Variants in GNAQ observed in about 807,000 individuals in gnomAD.
GNAQ encodes guanine nucleotide-binding protein G(q) subunit alpha.
A neutral mutation model predicts 43.9 loss-of-function variants in GNAQ; 8 were observed. The observed-to-expected ratio is 0.18, with a 90% CI of 0.11 to 0.33. The LOEUF (loss-of-function observed/expected upper bound fraction) is 0.33. GNAQ is among the 10% of genes least tolerant of loss of function. GNAQ has a pLI of 1.00. For synonymous variants in GNAQ, 155 were observed against 170.7 expected (o/e 0.91, Z 0.71); for missense variants, 158 against 450.8 (o/e 0.35, Z 5.88).
intron 1 of GNAQ, among the ~76,000 whole-genome samples, chr9:77,992,919 T>G (rs2118527660): frequency 6.6e-6 from 1 of 152,326 alleles, no homozygotes; most frequent in African/African-American, 2.4e-5. Flanking sequence ...TTCTCCAGCC[T>G]GTGCAACAGG....
chr9:77,768,254 C>T (rs1310257180), intron 5 of GNAQ, among the ~76,000 whole-genome samples: 2 of 152,174 alleles, frequency 1.3e-5, no homozygotes, highest in African/African-American at 2.4e-5. Context: ...GCTAAAACTG[C>T]TAATGGGAAG....
chr9:77,891,730 G>A (rs565636760), intron 2 of GNAQ, among the ~76,000 whole-genome samples: 1 of 152,284 alleles, frequency 6.6e-6, no homozygotes, highest in African/African-American at 2.4e-5. Flanking sequence ...TCATTAGCAA[G>A]GCCTCCATAT....
At chr9:77,996,974 G>T (rs1823577513) in intron 1 of GNAQ, among the ~76,000 whole-genome samples, 1 of 152,128 alleles carries the variant, frequency 6.6e-6, no homozygotes, top group South Asian at 2.1e-4. Flanking sequence ...CTACTCCTAG[G>T]CCCTGTGCAA....
intron 5 of GNAQ, among the ~76,000 whole-genome samples, chr9:77,735,634 G>A (rs1443872643): frequency 6.6e-6 from 1 of 152,166 alleles, no homozygotes; most frequent in Non-Finnish European, 1.5e-5. Flanking sequence ...TGATGTCAAC[G>A]CTTTGAGAAT....
intron 1 of GNAQ, among the ~76,000 whole-genome samples, chr9:78,021,988 G>A (rs1823916346): frequency 6.6e-6 from 1 of 152,170 alleles, no homozygotes; most frequent in South Asian, 2.1e-4. Context: ...GGAGGTTTCT[G>A]ATACCATTTC....
intron 1 of GNAQ, among the ~76,000 whole-genome samples, chr9:77,990,995 A>C (rs1823500468): frequency 6.6e-6 from 1 of 152,252 alleles, no homozygotes; most frequent in Non-Finnish European, 1.5e-5. Flanking sequence ...AAATGTATTT[A>C]ATAGAGTCAC....
chr9:77,780,650 T>C (rs1372859235), intron 5 of GNAQ, among the ~76,000 whole-genome samples: 5 of 152,030 alleles, frequency 3.3e-5, no homozygotes, highest in East Asian at 1.9e-4. Flanking sequence ...CTGGACTATA[T>C]TGTGGTTCTA....
At chr9:77,803,746 T>C (rs1401411051) in intron 3 of GNAQ, among the ~76,000 whole-genome samples, 1 of 152,232 alleles carries the variant, frequency 6.6e-6, no homozygotes, top group Non-Finnish European at 1.5e-5. Context: ...TTTGTATATT[T>C]TGGATACAGT....
chr9:77,881,710 T>C (rs1031236682), intron 2 of GNAQ, among the ~76,000 whole-genome samples: 1 of 152,200 alleles, frequency 6.6e-6, no homozygotes, highest in Non-Finnish European at 1.5e-5. Context: ...ACAGAACAGC[T>C]GTGTTTTCAG....
chr9:77,908,698 G>C (rs1483690890), intron 2 of GNAQ, among the ~76,000 whole-genome samples: 1 of 152,190 alleles, frequency 6.6e-6, no homozygotes, highest in Non-Finnish European at 1.5e-5. Flanking sequence ...TCCTATTGAA[G>C]TATTTTCTGG....
chr9:78,026,932 T>C (rs1470486496), intron 1 of GNAQ, among the ~76,000 whole-genome samples: 2 of 152,188 alleles, frequency 1.3e-5, no homozygotes, highest in Non-Finnish European at 2.9e-5. Context: ...CATTTAGTCA[T>C]CACCTGTGCT....
intron 5 of GNAQ, among the ~76,000 whole-genome samples, chr9:77,736,852 T>C (rs1369315809): frequency 6.6e-6 from 1 of 152,150 alleles, no homozygotes; most frequent in Non-Finnish European, 1.5e-5. Flanking sequence ...CTAACAGAGA[T>C]GAACGGATTA....
intron 5 of GNAQ, among the ~76,000 whole-genome samples, chr9:77,729,215 A>T (rs1825447065): frequency 6.6e-6 from 1 of 152,210 alleles, no homozygotes; most frequent in Non-Finnish European, 1.5e-5. Flanking sequence ...AAACACATGG[A>T]AAATGTTGTA....
At chr9:77,724,730 C>A (rs970080965) in intron 6 of GNAQ, among the ~76,000 whole-genome samples, 1 of 152,070 alleles carries the variant, frequency 6.6e-6, no homozygotes, top group African/African-American at 2.4e-5. Context: ...AATAGACTAT[C>A]CTCATTTGTA....
intron 1 of GNAQ, among the ~76,000 whole-genome samples, chr9:77,964,202 T>C (rs1259759258): frequency 6.6e-6 from 1 of 152,180 alleles, no homozygotes; most frequent in Admixed American, 6.5e-5. Flanking sequence ...GATAAACCGG[T>C]TAACTTATCG....
intron 2 of GNAQ, among the ~76,000 whole-genome samples, chr9:77,880,407 C>G (rs1587383358): frequency 6.6e-6 from 1 of 152,216 alleles, no homozygotes; most frequent in South Asian, 2.1e-4. Context: ...GAGTCTCACT[C>G]TGTCACCTAA....
chr9:77,759,705 A>G lies in GNAQ; in HGVS notation c.736-31038T>C, dbSNP rs544710743. On this transcript the variant is annotated intron_variant, in intron 5 of 6. Coordinates refer to ENST00000286548, the MANE Select transcript of GNAQ (RefSeq NM_002072.5). Reference sequence around the variant, plus strand: ...GAAAAGGCCAGACAAGAACAGAGATATTCTGTTGATATCTGGAAGAATAAA... The same window carrying G: ...GAAAAGGCCAGACAAGAACAGAGATGTTCTGTTGATATCTGGAAGAATAAA... 1.1e-4 allele frequency among the ~76,000 whole-genome samples: 16 copies of G among 152,274 alleles called. 1 individual carries two copies. In the South Asian group the frequency reaches 3.3e-3, roughly 32 times the overall value.
At chr9:77,748,091 T>C (rs1045146811) in intron 5 of GNAQ, among the ~76,000 whole-genome samples, 1 of 152,186 alleles carries the variant, frequency 6.6e-6, no homozygotes, top group Admixed American at 6.5e-5. Context: ...CTTTCACCAC[T>C]CTGGGGTCCA....
intron 5 of GNAQ, among the ~76,000 whole-genome samples, chr9:77,789,532 T>C (rs777082586): frequency 8.5e-5 from 13 of 152,204 alleles, no homozygotes; most frequent in Non-Finnish European, 1.8e-4. Flanking sequence ...TCTAATGCTA[T>C]TACCTAGTGA....
Sources: gnomAD v4.1 joint callset for allele counts (sites outside exome capture counted in the v4.1 genomes callset) on GRCh38, gnomAD v4.1.1 for gene constraint, MANE v1.5 for transcripts, NCBI Gene and HGNC (gene_info 2026-07-23, HGNC 2026-07-21) for gene names.